The following CAV1 variants were observed in gnomAD, a reference collection of about 807,000 sequenced individuals.
CAV1 encodes the protein caveolin-1.
CAV1 carries 10 observed loss-of-function variants against 16.5 expected under a neutral mutation model. The observed-to-expected ratio is 0.61, with a 90% confidence interval of 0.37 to 1.03. The LOEUF (loss-of-function observed/expected upper bound fraction) is 1.03. Ranked by LOEUF, CAV1 falls within the 50% of genes least tolerant of loss-of-function variation. The pLI is 0.01. For missense variants in CAV1, 212 were observed against 232.8 expected (o/e 0.91, Z 0.58); for synonymous variants, 76 against 85.1 (o/e 0.89, Z 0.59).
chr7:116,553,735 G>A (rs747902074), intron 2 of CAV1, among the ~76,000 whole-genome samples: 1 of 152,180 alleles, frequency 6.6e-6, no homozygotes, highest in Non-Finnish European at 1.5e-5. Flanking sequence ...AGAAGGGCAA[G>A]TGCAGTCAGT....
rs10246396 is a variant in CAV1, at chr7:116,554,299, A to G, written c.196-4647A>G. 3.2e-3 allele frequency among the ~76,000 whole-genome samples: 491 copies of G among 152,254 alleles called. 5 individuals carry two copies. Among genetic ancestry groups the G allele is most frequent in the African/African-American group, 0.011 (454 of 41,548 alleles). On this transcript the variant is annotated intron_variant, in intron 2 of 2. Transcript: ENST00000341049. The stretch of plus-strand genomic sequence containing the variant: ...AATATTCCTTCCTGTTTTTTTCACC[A>G]TAGATAGATGTACAAAAATGTCCGT...
At position 116,555,483 on chromosome 7, in the gene CAV1, GAAAAGAAAGAAAGAAAGAAA is replaced by G. The variant is rs1562837926; in HGVS notation, c.196-3462_196-3443del. Among the ~76,000 whole-genome samples the G allele has an allele frequency of 1.9e-3, 29 of 15,384 alleles. 1 individual carries two copies. The highest frequency in any genetic ancestry group is 5.8e-3 in the South Asian group (1 of 172). 10.1% of individuals were successfully genotyped at this position (15,384 alleles called of 152,430 possible). On this transcript the variant is annotated intron_variant, in intron 2 of 2. Coordinates refer to ENST00000341049, the MANE Select transcript of CAV1 (RefSeq NM_001753.5). ...AGGAAGGAAGGAAGGAAGGAGGAAA[GAAAAGAAAGAAAGAAAGAAA>G]GAAAGAAAGAAAGAAAGAGAGAGAG...
Position 116,540,333 on chromosome 7 carries a change from C to T in CAV1, c.195+13644C>T, listed in dbSNP as rs192157908. Among the ~76,000 whole-genome samples the T allele has an allele frequency of 2.6e-5, 4 of 152,300 alleles. No homozygotes were observed. The East Asian group carries it at 7.7e-4, about 29-fold the overall frequency. On this transcript the variant is annotated intron_variant, in intron 2 of 2. Transcript: ENST00000341049. ...GTGCCAAGTGAAATGAACGTCAGCTCTTTTCCCAGATATGTTTCCTTCTTT... is the reference window on the plus strand; with the variant it reads ...GTGCCAAGTGAAATGAACGTCAGCTTTTTTCCCAGATATGTTTCCTTCTTT...
At chr7:116,543,620 G>GT (rs1221083678) in intron 2 of CAV1, among the ~76,000 whole-genome samples, 4 of 151,946 alleles carry the variant, frequency 2.6e-5, no homozygotes, top group Non-Finnish European at 5.9e-5. Context: ...GTTTTGTTTT[G>GT]TTTTTTTGTT....
intron 2 of CAV1, 32 bp downstream of exon 2, chr7:116,526,721 G>A (rs1793571466): frequency 6.2e-7 from 1 of 1,613,148 alleles, no homozygotes; most frequent in Admixed American, 1.7e-5. Context: ...GGAAGGGCTG[G>A]GACAGCTCTC....
At chr7:116,553,988 G>A (rs1044260936) in intron 2 of CAV1, among the ~76,000 whole-genome samples, 1 of 152,174 alleles carries the variant, frequency 6.6e-6, no homozygotes, top group African/African-American at 2.4e-5. Context: ...AAGAGCCCAG[G>A]AGAGTTCCTA....
chr7:116,542,050 G>A (rs555665950), intron 2 of CAV1, among the ~76,000 whole-genome samples: 2 of 152,280 alleles, frequency 1.3e-5, no homozygotes, highest in African/African-American at 4.8e-5. Flanking sequence ...ATGTGGCGTT[G>A]TTTCAATCAG....
chr7:116,525,454 A>G (rs894118214), intron 1 of CAV1: 2 of 1,374,234 alleles, frequency 1.5e-6, no homozygotes, highest in African/African-American at 2.9e-5. Flanking sequence ...TGGGGGTTCG[A>G]AGAGGTGGAG....
chr7:116,558,863 ATATGTC>A, intron 2 of CAV1, 77 bp from the exon 3 acceptor site: 2 of 1,007,928 alleles, frequency 2.0e-6, no homozygotes, highest in Non-Finnish European at 3.1e-6. Flanking sequence ...CTAATACAGT[ATATGTC>A]TATGGATACT....
chr7:116,553,361 G>A (rs1330266172), intron 2 of CAV1, among the ~76,000 whole-genome samples: 2 of 151,826 alleles, frequency 1.3e-5, no homozygotes, highest in East Asian at 3.9e-4. Flanking sequence ...TGAAATTGTA[G>A]TATCATAAGC....
intron 2 of CAV1, among the ~76,000 whole-genome samples, chr7:116,528,275 A>G (rs1793612148): frequency 6.6e-6 from 1 of 152,198 alleles, no homozygotes; most frequent in African/African-American, 2.4e-5. Context: ...CACACATAGC[A>G]TGACTAAGTT....
intron 2 of CAV1, among the ~76,000 whole-genome samples, chr7:116,541,468 A>G (rs1274329630): frequency 6.6e-6 from 1 of 152,200 alleles, no homozygotes; most frequent in African/African-American, 2.4e-5. Flanking sequence ...AGTGTTAGGT[A>G]GGCTGAGCAC....
At chr7:116,526,801 C>A in intron 2 of CAV1, 112 bp downstream of exon 2, 1 of 1,184,402 alleles carries the variant, frequency 8.4e-7, no homozygotes, top group Non-Finnish European at 1.2e-6. Context: ...GCCCCCTACA[C>A]GCGCACACAC....
intron 2 of CAV1, among the ~76,000 whole-genome samples, chr7:116,531,610 T>C (rs1024084940): frequency 4.6e-5 from 7 of 152,214 alleles, no homozygotes; most frequent in Non-Finnish European, 8.8e-5. Flanking sequence ...TATTATACTT[T>C]AAGTTTTAGG....
rs766052119 is a variant in CAV1 at position 116,558,919 on chromosome 7, T to G, written c.196-27T>G. ...TTTTCTCTTTTCTTCTATTCTGTGCTCATGTTGTGTCACTTCTTCCTTTTA... is the reference window on the plus strand; with the variant it reads ...TTTTCTCTTTTCTTCTATTCTGTGCGCATGTTGTGTCACTTCTTCCTTTTA... On this transcript the variant is annotated intron_variant, in intron 2 of 2. Coordinates refer to ENST00000341049, the MANE Select transcript of CAV1 (RefSeq NM_001753.5). 48 of 1,522,164 alleles carry G rather than the reference T, an allele frequency of 3.2e-5. No individual in the cohort carries two copies. In the Admixed American group the frequency reaches 8.1e-4, roughly 26 times the overall value. 94.3% of individuals were successfully genotyped at this position (1,522,164 alleles called of 1,614,324 possible). A position where few individuals can be genotyped will look rare whatever the true frequency, so the allele number is the denominator to read the frequency against.
At chr7:116,558,297 G>T (rs1016202348) in intron 2 of CAV1, among the ~76,000 whole-genome samples, 5 of 152,116 alleles carry the variant, frequency 3.3e-5, no homozygotes, top group Non-Finnish European at 7.3e-5. Context: ...ATGTTTGGGG[G>T]TTTTACTTTA....
rs1391040042 is a variant in CAV1, at chr7:116,559,708, A to G, written c.*421A>G. 9.8e-6 allele frequency: 5 copies of G among 512,794 alleles called. No individual in the cohort carries two copies. Among genetic ancestry groups the G allele is most frequent in the Non-Finnish European group, 1.3e-5 (4 of 296,834 alleles). The allele number at this position is 512,794 out of a possible 1,614,324, so 31.8% of individuals were successfully genotyped here. ...AAGGGAAGAATTCCAGGGTATGGCCATGGAGTGTACAAGTATGTGGGCAGA... is the reference window on the plus strand; with the variant it reads ...AAGGGAAGAATTCCAGGGTATGGCCGTGGAGTGTACAAGTATGTGGGCAGA... On this transcript the variant is annotated 3_prime_UTR_variant, in exon 3 of 3. Transcript: ENST00000341049.
At chr7:116,536,372 G>A (rs183726705) in intron 2 of CAV1, among the ~76,000 whole-genome samples, 1 of 152,292 alleles carries the variant, frequency 6.6e-6, no homozygotes, top group East Asian at 1.9e-4. Context: ...CCTTGTCTCT[G>A]AAGAGTTTAG....
rs1268554212 is a variant in CAV1, at chr7:116,549,026, CA to C, written c.196-9919del. Among the ~76,000 whole-genome samples the C allele has an allele frequency of 2.0e-5, 3 of 152,192 alleles. No individual in the cohort carries two copies. In the East Asian group the frequency reaches 5.8e-4, roughly 29 times the overall value. On this transcript the variant is annotated intron_variant, in intron 2 of 2. Transcript: ENST00000341049. ...CTCCCACCCATGCCAGAAAAGAAAA[CA>C]CAGTCACCTGAAGTCATTCTAAAGA... is the stretch of plus-strand genomic sequence containing the variant.
Sources: gnomAD v4.1 joint callset for allele counts (sites outside exome capture counted in the v4.1 genomes callset) on GRCh38, gnomAD v4.1.1 for gene constraint, MANE v1.5 for transcripts, NCBI Gene and HGNC (gene_info 2026-07-23, HGNC 2026-07-21) for gene names.